AGMO: variants seen among roughly 807,000 people sequenced by gnomAD.
AGMO encodes the protein glyceryl-ether monooxygenase.
AGMO carries 75 observed loss-of-function variants against 60.2 expected under a neutral mutation model. The observed-to-expected ratio is 1.25, with a 90% confidence interval of 1.03 to 1.51. AGMO has a LOEUF of 1.51. Ranked by LOEUF, AGMO falls within the 40% of genes most tolerant of loss-of-function variation. AGMO has a pLI of 0.00. For missense variants in AGMO, 763 were observed against 525.5 expected, an observed-to-expected ratio of 1.45 and a Z score of -4.42; for synonymous variants, 261 against 177.1, an observed-to-expected ratio of 1.47 and a Z score of -3.76.
At chr7:15,437,669 G>A (rs1781437923) in intron 3 of AGMO, among the ~76,000 whole-genome samples, 1 of 151,832 alleles carries the variant, frequency 6.6e-6, no homozygotes, top group Non-Finnish European at 1.5e-5. Flanking sequence ...CAAGTAGCTG[G>A]GATTACAGGC....
At chr7:15,226,259 A>G (rs533056986) in intron 12 of AGMO, among the ~76,000 whole-genome samples, 2 of 152,238 alleles carry the variant, frequency 1.3e-5, no homozygotes, top group South Asian at 4.1e-4. Flanking sequence ...AACTAGCTCC[A>G]TATCTAAATC....
intron 3 of AGMO, among the ~76,000 whole-genome samples, chr7:15,457,675 C>T (rs1782032968): frequency 1.3e-5 from 2 of 152,088 alleles, no homozygotes; most frequent in South Asian, 4.1e-4. Flanking sequence ...CTTTAAAATA[C>T]ATATATTCTT....
chr7:15,435,896 A>C (rs1016571067), intron 3 of AGMO, among the ~76,000 whole-genome samples: 5 of 152,200 alleles, frequency 3.3e-5, no homozygotes, highest in Non-Finnish European at 7.3e-5. Flanking sequence ...CTTGTCATCT[A>C]TGAAATGGAG....
chr7:15,179,864 CAG>C, the AGMO span, among the ~76,000 whole-genome samples: 3 of 152,214 alleles, frequency 2.0e-5, no homozygotes, highest in East Asian at 3.9e-4. Flanking sequence ...TTTTACCTTC[CAG>C]AGCAGGAGAT....
At chr7:15,128,191 G>C in the AGMO span, among the ~76,000 whole-genome samples, 1 of 152,050 alleles carries the variant, frequency 6.6e-6, no homozygotes, top group Admixed American at 6.6e-5. Context: ...GGAGAAAACA[G>C]GTGGCACCAA....
chr7:15,486,658 G>T lies in AGMO; in HGVS notation c.410-55550C>A, dbSNP rs910062643. Among the ~76,000 whole-genome samples the T allele has an allele frequency of 2.6e-5, 4 of 152,142 alleles. No individual in the cohort carries two copies. The South Asian group carries it at 8.3e-4, about 32-fold the overall frequency. Reference sequence around the variant, plus strand: ...CACCAATTACAACACACTGTACATTGTAATAATAATTTTATTTTATTTCCA... The same window carrying T: ...CACCAATTACAACACACTGTACATTTTAATAATAATTTTATTTTATTTCCA... On this transcript the variant is annotated intron_variant, in intron 3 of 12. Coordinates refer to ENST00000342526, the MANE Select transcript of AGMO (RefSeq NM_001004320.2).
intron 12 of AGMO, among the ~76,000 whole-genome samples, chr7:15,328,574 G>A (rs964145194): frequency 6.6e-6 from 1 of 152,160 alleles, no homozygotes; most frequent in Admixed American, 6.5e-5. Context: ...TCTAACCATA[G>A]CTAAAAGGGT....
At chr7:15,509,233 C>G (rs1398114364) in intron 3 of AGMO, among the ~76,000 whole-genome samples, 1 of 151,986 alleles carries the variant, frequency 6.6e-6, no homozygotes, top group East Asian at 1.9e-4. Context: ...TACACCCAAA[C>G]CAATAGAACA....
At chr7:15,525,203 C>T (rs1784093045) in intron 3 of AGMO, among the ~76,000 whole-genome samples, 1 of 152,100 alleles carries the variant, frequency 6.6e-6, no homozygotes, top group Non-Finnish European at 1.5e-5. Context: ...ATGATAACGA[C>T]AGGAAGCAGA....
At chr7:15,238,829 G>A (rs546261614) in intron 12 of AGMO, among the ~76,000 whole-genome samples, 2 of 152,114 alleles carry the variant, frequency 1.3e-5, no homozygotes, top group South Asian at 4.1e-4. Context: ...CATAAGTATA[G>A]TCAGATTTGA....
intron 12 of AGMO, among the ~76,000 whole-genome samples, chr7:15,250,902 A>G (rs1583328833): frequency 6.6e-6 from 1 of 151,900 alleles, no homozygotes; most frequent in Non-Finnish European, 1.5e-5. Context: ...CCGAGATTGC[A>G]CCACTGCACT....
chr7:15,475,089 T>A (rs1782558867), intron 3 of AGMO, among the ~76,000 whole-genome samples: 1 of 152,172 alleles, frequency 6.6e-6, no homozygotes, highest in African/African-American at 2.4e-5. Context: ...TTTACAGTGT[T>A]AGTGGGAGTG....
At chr7:15,376,455 T>C (rs1394496124) in intron 10 of AGMO, among the ~76,000 whole-genome samples, 1 of 152,054 alleles carries the variant, frequency 6.6e-6, no homozygotes, top group Non-Finnish European at 1.5e-5. Flanking sequence ...GTAGTGCCCA[T>C]AATGTTTTAC....
At chr7:15,384,940 T>A (rs1177026304) in intron 10 of AGMO, among the ~76,000 whole-genome samples, 1 of 151,374 alleles carries the variant, frequency 6.6e-6, no homozygotes, top group Admixed American at 6.6e-5. Flanking sequence ...AAAGTGGCGA[T>A]CCCTGAACTA....
At chr7:15,141,001 G>C in the AGMO span, among the ~76,000 whole-genome samples, 1 of 152,072 alleles carries the variant, frequency 6.6e-6, no homozygotes, top group African/African-American at 2.4e-5. Flanking sequence ...GAGTAAATGT[G>C]CATTTTCTCC....
At chr7:15,549,933 A>T (rs1444161856) in intron 2 of AGMO, among the ~76,000 whole-genome samples, 1 of 150,454 alleles carries the variant, frequency 6.6e-6, no homozygotes, top group African/African-American at 2.4e-5. Context: ...TCTCCTCAGC[A>T]AATGTAAAAG....
chr7:15,365,468 G>A, intron 12 of AGMO, 46 bp downstream of exon 12: 1 of 1,208,986 alleles, frequency 8.3e-7, no homozygotes, highest in Non-Finnish European at 1.2e-6. Context: ...AATTAAATGT[G>A]CGATAGGTAT....
intron 12 of AGMO, among the ~76,000 whole-genome samples, chr7:15,232,679 A>T (rs2128499898): frequency 6.6e-6 from 1 of 152,272 alleles, no homozygotes; most frequent in African/African-American, 2.4e-5. Context: ...TGAGTAGAAT[A>T]CGAATCAAAG....
At chr7:15,530,602 T>C (rs1251112157) in intron 3 of AGMO, among the ~76,000 whole-genome samples, 2 of 128,832 alleles carry the variant, frequency 1.6e-5, no homozygotes, top group Non-Finnish European at 3.2e-5. Context: ...ATATATTCTA[T>C]ATACGTATTT....
Sources: allele counts gnomAD v4.1 joint callset (sites outside exome capture counted in the v4.1 genomes callset), GRCh38; gene constraint gnomAD v4.1.1; transcripts MANE v1.5; gene names NCBI Gene and HGNC (gene_info 2026-07-23, HGNC 2026-07-21).